The following RERE variants were observed in gnomAD, a reference collection of about 807,000 sequenced individuals.
RERE encodes arginine-glutamic acid dipeptide repeats protein.
RERE carries 40 observed loss-of-function variants against 146.1 expected under a neutral mutation model. The observed-to-expected ratio is 0.27, with a 90% CI of 0.21 to 0.36. The LOEUF (loss-of-function observed/expected upper bound fraction) is 0.36, where lower values mean the gene tolerates loss of function less well. Ranked by LOEUF, RERE falls within the 10% of genes least tolerant of loss-of-function variation. RERE has a pLI of 1.00. For synonymous variants in RERE, 1,003 were observed against 866.0 expected (o/e 1.16, Z -2.78); for missense variants, 1,933 against 2,138.7 (o/e 0.90, Z 1.90).
At chr1:8,699,861 C>T (rs556357708) in intron 1 of RERE, among the ~76,000 whole-genome samples, 2 of 152,254 alleles carry the variant, frequency 1.3e-5, no homozygotes, top group East Asian at 3.9e-4. Flanking sequence ...GCCACCCCCA[C>T]GAGATCCCAC....
At chr1:8,547,910 T>C (rs755448017) in intron 6 of RERE, among the ~76,000 whole-genome samples, 16 of 152,184 alleles carry the variant, frequency 1.1e-4, no homozygotes, top group Admixed American at 3.3e-4. Context: ...CACAAAGATA[T>C]TCATTGCAGC....
At chr1:8,612,837 GT>G (rs1390190694) in intron 4 of RERE, among the ~76,000 whole-genome samples, 3 of 152,164 alleles carry the variant, frequency 2.0e-5, no homozygotes, top group African/African-American at 7.2e-5. Context: ...CTACTAATTT[GT>G]CCCGTAAGAT....
chr1:8,397,703 T>G (rs905126225), intron 12 of RERE, among the ~76,000 whole-genome samples: 4 of 152,164 alleles, frequency 2.6e-5, no homozygotes, highest in Non-Finnish European at 4.4e-5. Context: ...CCACGCGCCT[T>G]AGACCATTAT....
intron 4 of RERE, among the ~76,000 whole-genome samples, chr1:8,575,138 G>A (rs1216746541): frequency 6.6e-6 from 1 of 152,124 alleles, no homozygotes; most frequent in Non-Finnish European, 1.5e-5. Flanking sequence ...CAAAGAATGT[G>A]AAAGACACGC....
chr1:8,678,279 A>G (rs1273114397), intron 1 of RERE, among the ~76,000 whole-genome samples: 2 of 152,200 alleles, frequency 1.3e-5, no homozygotes, highest in Non-Finnish European at 2.9e-5. Context: ...AAGTAAAAAC[A>G]ATATGGTTTT....
At chr1:8,688,294 G>T (rs1639134353) in intron 1 of RERE, among the ~76,000 whole-genome samples, 1 of 152,064 alleles carries the variant, frequency 6.6e-6, no homozygotes, top group African/African-American at 2.4e-5. Context: ...GGCCAGGCAT[G>T]GTGGCTCATG....
At chr1:8,646,750 C>T (rs999297691) in intron 2 of RERE, among the ~76,000 whole-genome samples, 1 of 152,104 alleles carries the variant, frequency 6.6e-6, no homozygotes, top group African/African-American at 2.4e-5. Context: ...GAAAGATCAC[C>T]ACTACGCTGC....
rs1158656300 is a variant in RERE at position 8,715,893 on chromosome 1, A to G, written c.-144-59452T>C. Among the ~76,000 whole-genome samples the G allele has an allele frequency of 4.3e-5, 6 of 138,672 alleles. No individual in the cohort carries two copies. In the East Asian group the frequency reaches 1.5e-3, roughly 35 times the overall value. The allele number at this position is 138,672 out of a possible 152,430, so 91.0% of individuals were successfully genotyped here. ...ATTCCAGCCTGGATGACAGAGCAAGACCCTGTCTGGGGCGGGACGGGCGGG... is the reference window on the plus strand; with the variant it reads ...ATTCCAGCCTGGATGACAGAGCAAGGCCCTGTCTGGGGCGGGACGGGCGGG... On this transcript the variant is annotated intron_variant, in intron 1 of 22. Transcript: ENST00000400908.
At chr1:8,601,345 A>T (rs1050691336) in intron 4 of RERE, among the ~76,000 whole-genome samples, 2 of 151,922 alleles carry the variant, frequency 1.3e-5, no homozygotes, top group African/African-American at 4.8e-5. Flanking sequence ...TTCAAGTACA[A>T]ATCAAACTAC....
intron 1 of RERE, among the ~76,000 whole-genome samples, chr1:8,665,869 A>G (rs1253559350): frequency 2.0e-5 from 3 of 152,194 alleles, no homozygotes; most frequent in African/African-American, 4.8e-5. Flanking sequence ...ACAAATAACC[A>G]TGCAGGAAAA....
chr1:8,369,742 A>AG, intron 12 of RERE, among the ~76,000 whole-genome samples: 1 of 152,160 alleles, frequency 6.6e-6, no homozygotes, highest in East Asian at 1.9e-4. Context: ...AAGAAAAAAA[A>AG]AATTCTCACA....
At chr1:8,410,154 A>ACATG (rs1247333012) in intron 12 of RERE, among the ~76,000 whole-genome samples, 3 of 152,030 alleles carry the variant, frequency 2.0e-5, no homozygotes, top group Non-Finnish European at 4.4e-5. Flanking sequence ...AAGTTAACAC[A>ACATG]CATGCATGCA....
At chr1:8,802,444 C>T (rs1240491328) in intron 1 of RERE, among the ~76,000 whole-genome samples, 1 of 152,208 alleles carries the variant, frequency 6.6e-6, no homozygotes. Context: ...AAAGTACTCA[C>T]CATTTCCCAA....
At chr1:8,605,552 C>T (rs12057624) in intron 4 of RERE, among the ~76,000 whole-genome samples, 1,861 of 151,890 alleles carry the variant, frequency 0.012, 36 homozygotes, top group African/African-American at 0.041. Flanking sequence ...ACTTCGAGAC[C>T]ACCCTGGCCA....
chr1:8,675,523 A>C (rs1055329922), intron 1 of RERE, among the ~76,000 whole-genome samples: 1 of 151,464 alleles, frequency 6.6e-6, no homozygotes, highest in Non-Finnish European at 1.5e-5. Flanking sequence ...AAAATACAAA[A>C]ATTAGACAGG....
At chr1:8,542,049 G>A (rs1207132016) in intron 6 of RERE, among the ~76,000 whole-genome samples, 2 of 152,114 alleles carry the variant, frequency 1.3e-5, no homozygotes, top group Non-Finnish European at 2.9e-5. Flanking sequence ...CTCCAAAACG[G>A]CTTAAGCAAT....
chr1:8,695,100 A>G (rs1384866148), intron 1 of RERE, among the ~76,000 whole-genome samples: 4 of 150,784 alleles, frequency 2.7e-5, no homozygotes, highest in African/African-American at 9.9e-5. Context: ...CAGAATAGAG[A>G]ACCTACAAAT....
At chr1:8,666,451 C>T (rs187112687) in intron 1 of RERE, among the ~76,000 whole-genome samples, 8 of 152,348 alleles carry the variant, frequency 5.3e-5, no homozygotes, top group Admixed American at 2.6e-4. Flanking sequence ...GAAGCAGCTG[C>T]AGCCAGCATG....
At position 8,354,726 on chromosome 1, in the gene RERE, G is replaced by T. The variant is rs989129422; in HGVS notation, c.*361C>A. On this transcript the variant is annotated 3_prime_UTR_variant, in exon 23 of 23. Coordinates refer to ENST00000400908, the MANE Select transcript of RERE (RefSeq NM_001042681.2). ...AGCACTCGTGGCGGAGTGTGTCAGTGTGTCTGCACGCACAGTGAAGGGTGT... is the reference window on the plus strand; with the variant it reads ...AGCACTCGTGGCGGAGTGTGTCAGTTTGTCTGCACGCACAGTGAAGGGTGT... 2 of 215,850 alleles carry T rather than the reference G, an allele frequency of 9.3e-6. No homozygotes were observed. Among genetic ancestry groups the T allele is most frequent in the Non-Finnish European group, 1.8e-5 (2 of 111,128 alleles). 13.4% of individuals were successfully genotyped at this position (215,850 alleles called of 1,614,324 possible).
Sources: allele counts gnomAD v4.1 joint callset (sites outside exome capture counted in the v4.1 genomes callset), GRCh38; gene constraint gnomAD v4.1.1; transcripts MANE v1.5; gene names NCBI Gene and HGNC (gene_info 2026-07-23, HGNC 2026-07-21).